The following ZIM2 variants were observed in gnomAD, a reference collection of about 807,000 sequenced individuals.
The protein encoded by ZIM2 is zinc finger imprinted 2.
Under a neutral mutation model 38.6 loss-of-function variants are expected in ZIM2, and 14 were observed. The observed-to-expected ratio is 0.36, with a 90% CI of 0.24 to 0.57. ZIM2 has a LOEUF of 0.57. Among genes scored for constraint, ZIM2 ranks in the 20% least tolerant of loss-of-function variants. ZIM2 has a pLI of 0.81. For synonymous variants in ZIM2, 247 were observed against 245.8 expected (o/e 1.00, Z -0.04); for missense variants, 680 against 695.1 (o/e 0.98, Z 0.24).
intron 9 of ZIM2, among the ~76,000 whole-genome samples, chr19:56,797,644 C>CCCT (rs1401805758): frequency 5.9e-5 from 9 of 151,962 alleles, no homozygotes; most frequent in Admixed American, 2.0e-4. Flanking sequence ...CTCCTTCTTC[C>CCCT]CCTCCTCCTC....
intron 9 of ZIM2, 95 bp downstream of exon 9, chr19:56,817,651 C>A: frequency 6.6e-7 from 1 of 1,513,886 alleles, no homozygotes; most frequent in Non-Finnish European, 9.1e-7. Flanking sequence ...GAGGGGTGCA[C>A]CCTTCTGTGA....
chr19:56,821,609 A>G, intron 7 of ZIM2, 42 bp downstream of exon 7: 1 of 1,607,856 alleles, frequency 6.2e-7, no homozygotes, highest in Non-Finnish European at 8.5e-7. Flanking sequence ...CTGCCATGAA[A>G]TGAAGATGGC....
intron 9 of ZIM2, chr19:56,813,782 C>T: frequency 1.2e-6 from 2 of 1,614,182 alleles, no homozygotes; most frequent in Non-Finnish European, 1.7e-6. Context: ...TTGGCACCAC[C>T]TGTGCTGGTG....
At position 56,781,820 on chromosome 19, in the gene ZIM2, A is replaced by G. The variant is rs978379075; in HGVS notation, c.739+133T>C. 5.3e-6 allele frequency: 6 copies of G among 1,131,230 alleles called. No homozygotes were observed. In the Admixed American group the frequency reaches 7.6e-5, roughly 14 times the overall value. The allele number at this position is 1,131,230 out of a possible 1,614,324, so 70.1% of individuals were successfully genotyped here. A position where few individuals can be genotyped will look rare whatever the true frequency, so the allele number is the denominator to read the frequency against. On this transcript the variant is annotated intron_variant, in intron 11 of 12. Transcript: ENST00000629319. The stretch of plus-strand genomic sequence containing the variant: ...ACAGTGAATTTGATATTCAAATATT[A>G]AAATATTGCCTCTGACCTGGGTTGA...
At chr19:56,811,009 T>C in intron 9 of ZIM2, 8 of 975,340 alleles carry the variant, frequency 8.2e-6, no homozygotes, top group Non-Finnish European at 8.5e-6. Flanking sequence ...GAATATACAT[T>C]TTGACACAGT....
intron 12 of ZIM2, among the ~76,000 whole-genome samples, chr19:56,777,650 G>A (rs1268669549): frequency 1.3e-5 from 2 of 152,204 alleles, no homozygotes; most frequent in African/African-American, 4.8e-5. Flanking sequence ...TACTTGCAAT[G>A]TGGCTTGTGT....
chr19:56,813,408 G>T (rs1385447847), intron 9 of ZIM2: 1 of 1,268,042 alleles, frequency 7.9e-7, no homozygotes, highest in East Asian at 3.3e-5. Context: ...ATACTCATAG[G>T]GTTTTCTCAA....
At chr19:56,817,931 A>C in intron 8 of ZIM2, 93 bp from the exon 9 acceptor site, 1 of 947,282 alleles carries the variant, frequency 1.1e-6, no homozygotes, top group East Asian at 2.6e-5. Flanking sequence ...GAGCCACTAA[A>C]TATGAGGTGG....
intron 9 of ZIM2, among the ~76,000 whole-genome samples, chr19:56,806,654 G>A (rs1400398231): frequency 6.6e-6 from 1 of 152,206 alleles, no homozygotes; most frequent in Non-Finnish European, 1.5e-5. Flanking sequence ...TACTGCTGTG[G>A]TCTGAATGTT....
chr19:56,840,559 G>A (rs545877306), intron 1 of ZIM2, 23 bp downstream of exon 1: 1 of 152,428 alleles, frequency 6.6e-6, no homozygotes, highest in East Asian at 1.9e-4. Flanking sequence ...GGAGGCGCGC[G>A]GGGCGGCCGA....
chr19:56,779,466 T>C lies in ZIM2; in HGVS notation c.746A>G (p.Gln249Arg). 1 of 1,613,832 alleles carries C rather than the reference T, an allele frequency of 6.2e-7. No homozygotes were observed. The highest frequency in any genetic ancestry group is 1.1e-5 in the South Asian group (1 of 91,072). ...NYRNLVSLGH[Q>R]FSKPDIISRL... ...TGAGATAATGTCAGGTTTAGAGAAC[T>C]GGTGCCCTGTTGGAGAGGAAGACTG... The change falls in exon 12 of 13, where the codon CAG (glutamine) becomes CGG (arginine). Residue 249 changes from glutamine (Q) to arginine (R), a missense_variant. Coordinates refer to ENST00000629319, the MANE Select transcript of ZIM2 (RefSeq NM_001387356.1).
At chr19:56,797,329 T>C (rs1352511492) in intron 9 of ZIM2, among the ~76,000 whole-genome samples, 1 of 140,754 alleles carries the variant, frequency 7.1e-6, no homozygotes, top group Non-Finnish European at 1.6e-5. Context: ...AATAAATAAA[T>C]AAATAAGCTG....
intron 9 of ZIM2, chr19:56,799,146 T>A (rs2047373821): frequency 6.6e-6 from 1 of 152,160 alleles, no homozygotes; most frequent in Non-Finnish European, 1.5e-5. Context: ...CATTCTATTA[T>A]AAAGATACAT....
At position 56,812,257 on chromosome 19, in the gene ZIM2, G is replaced by A. The variant is rs1055250242; in HGVS notation, c.490+5489C>T. ...CAGAATAGGACACAAGAAACCTCAA[G>A]CTGTGAGGTCAATTTGTAATTAAAA... On this transcript the variant is annotated intron_variant, in intron 9 of 12. Coordinates refer to ENST00000629319, the MANE Select transcript of ZIM2 (RefSeq NM_001387356.1). 6 of 971,926 alleles carry A rather than the reference G, an allele frequency of 6.2e-6. No homozygotes were observed. The East Asian group carries it at 6.9e-4, about 111-fold the overall frequency. 60.2% of individuals were successfully genotyped at this position (971,926 alleles called of 1,614,324 possible). A position where few individuals can be genotyped will look rare whatever the true frequency, so the allele number is the denominator to read the frequency against.
Position 56,774,706 on chromosome 19 carries a change from A to C in ZIM2, c.1659T>G (p.Val553=), listed in dbSNP as rs781645845. 3 of 1,614,048 alleles carry C rather than the reference A, an allele frequency of 1.9e-6. No individual in the cohort carries two copies. The East Asian group carries it at 6.7e-5, about 36-fold the overall frequency. Residue 553 remains valine (V), a synonymous_variant, in exon 13 of 13, where the codon GTT becomes GTG. Coordinates refer to ENST00000629319, the MANE Select transcript of ZIM2 (RefSeq NM_001387356.1). ...AGGTTTCTCAACAGTGATCGCACTCAACAGTTTTCTCTTGAGAATGGAGTT... is the reference window on the plus strand; with the variant it reads ...AGGTTTCTCAACAGTGATCGCACTCCACAGTTTTCTCTTGAGAATGGAGTT... ...HYQLHSQEKT[V]ECDHC is the part of the protein sequence containing the mutation.
chr19:56,833,661 T>A (rs1487063492), intron 2 of ZIM2: 2 of 170,452 alleles, frequency 1.2e-5, no homozygotes, highest in Non-Finnish European at 2.6e-5. Context: ...GTGGGATGAC[T>A]CAGGAGGTCT....
chr19:56,790,104 A>C, intron 9 of ZIM2, 153 bp from the exon 10 acceptor site: 1 of 486,430 alleles, frequency 2.1e-6, no homozygotes, highest in Non-Finnish European at 3.3e-6. Context: ...ATCATTTCTC[A>C]ACTCAAAATA....
At chr19:56,792,350 G>A (rs1379475353) in intron 9 of ZIM2, among the ~76,000 whole-genome samples, 3 of 151,504 alleles carry the variant, frequency 2.0e-5, no homozygotes, top group Non-Finnish European at 4.4e-5. Flanking sequence ...TACCAACATG[G>A]TGAAACCCCG....
rs1321585038 is a variant in ZIM2, at chr19:56,816,434, G to C, written c.490+1312C>G. 6.2e-7 allele frequency: 1 copy of C among 1,613,962 alleles called. No individual in the cohort carries two copies. The highest frequency in any genetic ancestry group is 1.7e-5 in the Admixed American group (1 of 60,020). On this transcript the variant is annotated intron_variant, in intron 9 of 12. Transcript: ENST00000629319. ...GTTTTCTGACGCCTTTTAAGGGACT[G>C]ACCAGGAATAAAGGTTTCCTCACAC...
Sources: gnomAD v4.1 joint callset for allele counts (sites outside exome capture counted in the v4.1 genomes callset) on GRCh38, gnomAD v4.1.1 for gene constraint, MANE v1.5 for transcripts, NCBI Gene and HGNC (gene_info 2026-07-23, HGNC 2026-07-21) for gene names.